Variants in GPC6 observed in about 807,000 individuals in gnomAD.
The protein encoded by GPC6 is glypican-6.
A neutral mutation model predicts 55.2 loss-of-function variants in GPC6; 14 were observed. That is an observed-to-expected ratio of 0.25 (90% CI 0.17 to 0.40). GPC6 has a LOEUF of 0.40. Ranked by LOEUF, GPC6 falls within the 10% of genes least tolerant of loss-of-function variation. The pLI, the probability that GPC6 is intolerant of heterozygous loss-of-function variation, is 1.00. For synonymous variants in GPC6, 278 were observed against 259.6 expected (o/e 1.07, Z -0.68); for missense variants, 641 against 708.5 (o/e 0.90, Z 1.08).
intron 3 of GPC6, among the ~76,000 whole-genome samples, chr13:94,012,372 C>A (rs939638703): frequency 6.6e-6 from 1 of 152,128 alleles, no homozygotes; most frequent in South Asian, 2.1e-4. Context: ...GCCAGGAAGA[C>A]TTTCTCATAG....
intron 3 of GPC6, among the ~76,000 whole-genome samples, chr13:94,018,058 T>G (rs911699370): frequency 6.6e-6 from 1 of 152,188 alleles, no homozygotes; most frequent in East Asian, 1.9e-4. Flanking sequence ...CTGTGAGTTT[T>G]CATAAATGTC....
intron 1 of GPC6, among the ~76,000 whole-genome samples, chr13:93,389,116 G>T (rs982946533): frequency 1.3e-5 from 2 of 152,104 alleles, no homozygotes; most frequent in African/African-American, 4.8e-5. Context: ...TTTCATAAGA[G>T]AATTAAAAGA....
intron 1 of GPC6, among the ~76,000 whole-genome samples, chr13:93,377,914 A>G (rs1024510221): frequency 2.6e-5 from 4 of 152,222 alleles, no homozygotes; most frequent in Non-Finnish European, 5.9e-5. Context: ...TAATCATACA[A>G]ATGTGTATTT....
At chr13:94,031,371 C>T (rs1024579480) in intron 4 of GPC6, among the ~76,000 whole-genome samples, 1 of 152,152 alleles carries the variant, frequency 6.6e-6, no homozygotes, top group Non-Finnish European at 1.5e-5. Flanking sequence ...CAGGCCCGCC[C>T]CTTCACTTGC....
chr13:93,604,868 A>T (rs1209862898), intron 2 of GPC6, among the ~76,000 whole-genome samples: 1 of 152,162 alleles, frequency 6.6e-6, no homozygotes, highest in Admixed American at 6.5e-5. Context: ...GAATAAACAC[A>T]GGTGTTTGTA....
In GPC6 at chr13:93,536,963, A is replaced by G. The variant is rs369876133; in HGVS notation, c.161-8300A>G. ...AGGCAACAACATTTTCATTTTGTCA[A>G]TTTGTTTGTTATTCCCTAAACAATT... On this transcript the variant is annotated intron_variant, in intron 1 of 8. Coordinates refer to ENST00000377047, the MANE Select transcript of GPC6 (RefSeq NM_005708.5). Among the ~76,000 whole-genome samples, 5 of 152,182 alleles carry G rather than the reference A, an allele frequency of 3.3e-5. No individual in the cohort carries two copies. In the East Asian group the frequency reaches 5.8e-4, roughly 18 times the overall value.
At chr13:93,873,357 T>A (rs1456179203) in intron 3 of GPC6, among the ~76,000 whole-genome samples, 1 of 151,962 alleles carries the variant, frequency 6.6e-6, no homozygotes, top group Admixed American at 6.6e-5. Flanking sequence ...GCAGCTCATC[T>A]CTGTTATAGT....
chr13:93,272,975 A>G (rs760083255), intron 1 of GPC6, among the ~76,000 whole-genome samples: 1 of 152,202 alleles, frequency 6.6e-6, no homozygotes, highest in Non-Finnish European at 1.5e-5. Flanking sequence ...CTCATTAAAA[A>G]TGTAGGACAA....
chr13:93,830,368 T>G lies in GPC6; in HGVS notation c.534T>G (p.Pro178=). 2 of 1,613,914 alleles carry G rather than the reference T, an allele frequency of 1.2e-6. No homozygotes were observed. Among genetic ancestry groups the G allele is most frequent in the Non-Finnish European group, 1.7e-6 (2 of 1,179,920 alleles). The change falls in exon 3 of 9, where the codon CCT becomes CCG. Residue 178 remains proline (P), a synonymous_variant. Transcript: ENST00000377047. ...LLERMFQLIN[P]QYHFSEDYLE... ...AACGGATGTTTCAGCTGATAAACCC[T>G]CAGTATCACTTCAGTGAAGACTACC... is the stretch of plus-strand genomic sequence containing the variant.
rs77044657 is a variant in GPC6, at chr13:93,696,402, A to G, written c.320-133752A>G. ...TAAATAAAGATAAGCAATGAAATTT[A>G]GCAATCCTTTTCTCAATCTTAGTCT... On this transcript the variant is annotated intron_variant, in intron 2 of 8. Transcript: ENST00000377047. Among the ~76,000 whole-genome samples, 463 of 152,276 alleles carry G rather than the reference A, an allele frequency of 3.0e-3. 1 individual carries two copies. Among genetic ancestry groups the G allele is most frequent in the African/African-American group, 0.01 (418 of 41,572 alleles).
chr13:94,253,803 C>A (rs1391714272), intron 4 of GPC6, among the ~76,000 whole-genome samples: 1 of 152,106 alleles, frequency 6.6e-6, no homozygotes, highest in Non-Finnish European at 1.5e-5. Context: ...TGCATTTGAT[C>A]AACATGTGTC....
chr13:94,253,304 T>C (rs867482385), intron 4 of GPC6, among the ~76,000 whole-genome samples: 2 of 152,146 alleles, frequency 1.3e-5, no homozygotes, highest in Non-Finnish European at 2.9e-5. Flanking sequence ...TGATTGTAAG[T>C]GACTATCTTC....
chr13:94,229,660 A>G (rs1224274189), intron 4 of GPC6, among the ~76,000 whole-genome samples: 3 of 152,214 alleles, frequency 2.0e-5, no homozygotes, highest in African/African-American at 7.2e-5. Flanking sequence ...CAATAACACA[A>G]GGTTAGAAGG....
At chr13:93,416,252 CT>C (rs1876692970) in intron 1 of GPC6, among the ~76,000 whole-genome samples, 1 of 152,096 alleles carries the variant, frequency 6.6e-6, no homozygotes, top group Non-Finnish European at 1.5e-5. Flanking sequence ...TTTCCAACAA[CT>C]TGTGAATGGC....
intron 2 of GPC6, among the ~76,000 whole-genome samples, chr13:93,704,899 C>T (rs534964629): frequency 6.4e-4 from 98 of 152,034 alleles, no homozygotes; most frequent in African/African-American, 2.3e-3. Flanking sequence ...ACTGGATCCT[C>T]GCCATGTGGG....
At chr13:93,265,865 C>T (rs9561294) in intron 1 of GPC6, among the ~76,000 whole-genome samples, 27,809 of 151,024 alleles carry the variant, frequency 0.18, 2,749 homozygotes, top group South Asian at 0.27. Flanking sequence ...CCTCCTTATG[C>T]GCAAGGACAA....
At chr13:93,254,818 A>G (rs1367031903) in intron 1 of GPC6, among the ~76,000 whole-genome samples, 1 of 152,174 alleles carries the variant, frequency 6.6e-6, no homozygotes, top group Non-Finnish European at 1.5e-5. Context: ...CTCTCTTAAA[A>G]GTAGCAGCTG....
At chr13:94,144,547 A>ATGTGTG (rs67016286) in intron 4 of GPC6, among the ~76,000 whole-genome samples, 406 of 148,424 alleles carry the variant, frequency 2.7e-3, no homozygotes, top group East Asian at 0.018. Context: ...GTGTGTGTGT[A>ATGTGTG]TGTGTGTGTG....
At chr13:93,241,495 GTT>G (rs1876427644) in intron 1 of GPC6, among the ~76,000 whole-genome samples, 1 of 151,916 alleles carries the variant, frequency 6.6e-6, no homozygotes, top group African/African-American at 2.4e-5. Flanking sequence ...GAAGTTCTGT[GTT>G]TTGTTTTGTT....
Sources: allele counts gnomAD v4.1 joint callset (sites outside exome capture counted in the v4.1 genomes callset), GRCh38; gene constraint gnomAD v4.1.1; transcripts MANE v1.5; gene names NCBI Gene and HGNC (gene_info 2026-07-23, HGNC 2026-07-21).